The following PLEKHG1 variants were observed in gnomAD, a reference collection of about 807,000 sequenced individuals.
PLEKHG1 encodes the protein pleckstrin homology domain-containing family G member 1.
A neutral mutation model predicts 100.8 loss-of-function variants in PLEKHG1; 44 were observed. The ratio of observed to expected loss-of-function variants is 0.44; its 90% CI spans 0.34 to 0.56. The LOEUF (loss-of-function observed/expected upper bound fraction) is 0.56. Among genes scored for constraint, PLEKHG1 ranks in the 20% least tolerant of loss-of-function variants. PLEKHG1 has a pLI of 0.01. For missense variants in PLEKHG1, 1,545 were observed against 1,720.9 expected (o/e 0.90, Z 1.81); for synonymous variants, 640 against 662.5 (o/e 0.97, Z 0.52).
intron 3 of PLEKHG1, among the ~76,000 whole-genome samples, chr6:150,713,689 A>G (rs1208076082): frequency 2.0e-5 from 3 of 152,050 alleles, no homozygotes; most frequent in Admixed American, 1.3e-4. Context: ...CCTGCAAGCT[A>G]CACTCCCTCC....
intron 3 of PLEKHG1, among the ~76,000 whole-genome samples, chr6:150,707,151 C>T (rs1272333501): frequency 2.0e-5 from 3 of 151,304 alleles, no homozygotes; most frequent in Non-Finnish European, 3.0e-5. Flanking sequence ...ATTACAGGTG[C>T]GCGCCACCAT....
At chr6:150,645,711 T>G (rs2128570977) in intron 2 of PLEKHG1, among the ~76,000 whole-genome samples, 1 of 152,300 alleles carries the variant, frequency 6.6e-6, no homozygotes, top group East Asian at 1.9e-4. Flanking sequence ...CCCATGAGAA[T>G]AGCTATAATT....
At chr6:150,709,785 G>C (rs576467455) in intron 3 of PLEKHG1, among the ~76,000 whole-genome samples, 1 of 151,898 alleles carries the variant, frequency 6.6e-6, no homozygotes, top group Non-Finnish European at 1.5e-5. Context: ...TGGTGTTTTC[G>C]TTTGTTTGTT....
chr6:150,825,659 G>A (rs984354177), intron 14 of PLEKHG1, among the ~76,000 whole-genome samples: 32 of 152,076 alleles, frequency 2.1e-4, no homozygotes, highest in African/African-American at 9.7e-5. Context: ...CTGAGGCTGC[G>A]TATATGTGTG....
At chr6:150,627,733 A>T (rs1471549000) in intron 1 of PLEKHG1, among the ~76,000 whole-genome samples, 1 of 152,244 alleles carries the variant, frequency 6.6e-6, no homozygotes, top group East Asian at 1.9e-4. Context: ...ATATAAATGT[A>T]TCCTGCCTGG....
intron 3 of PLEKHG1, among the ~76,000 whole-genome samples, chr6:150,682,163 G>A (rs1005178343): frequency 6.6e-6 from 1 of 152,100 alleles, no homozygotes; most frequent in African/African-American, 2.4e-5. Flanking sequence ...CTGCATGTCT[G>A]GGCCTTGTGC....
chr6:150,831,449 A>G lies in PLEKHG1; in HGVS notation c.2338A>G (p.Ser780Gly). Residue 780 changes from serine to glycine, a missense_variant, in exon 15 of 16, where the codon AGC becomes GGC. Ser to Gly is a moderately conservative substitution (Grantham distance 56). Coordinates refer to ENST00000358517, the Ensembl canonical transcript of PLEKHG1. The surrounding 1 kb of genome is among the most constrained non-coding windows in gnomAD (Gnocchi z 4.1). ...GGAGGCCGACTTCGTGTGCTGTGAC[A>G]GCCTGAGGCCATTTGTTTCCCAAGA... The G allele has an allele frequency of 6.2e-7, 1 of 1,614,188 alleles. No homozygotes were observed. Among genetic ancestry groups the G allele is most frequent in the Non-Finnish European group, 8.5e-7 (1 of 1,180,052 alleles).
chr6:150,735,206 G>A (rs978680815), intron 2 of PLEKHG1, among the ~76,000 whole-genome samples: 4 of 151,766 alleles, frequency 2.6e-5, no homozygotes, highest in African/African-American at 4.8e-5. Flanking sequence ...GGCTGGTCTC[G>A]AACTCCCGAC....
intron 4 of PLEKHG1, among the ~76,000 whole-genome samples, chr6:150,788,940 C>T (rs1460326461): frequency 6.6e-6 from 1 of 152,166 alleles, no homozygotes; most frequent in Non-Finnish European, 1.5e-5. Context: ...AAATTATCCT[C>T]AAGGAAGTGT....
chr6:150,752,464 C>T (rs1368503480), intron 2 of PLEKHG1, among the ~76,000 whole-genome samples: 2 of 152,184 alleles, frequency 1.3e-5, no homozygotes, highest in East Asian at 3.8e-4. Flanking sequence ...CTCCCCAGCT[C>T]CTGGCAACCT....
Position 150,611,628 on chromosome 6 carries a change from A to C in PLEKHG1, c.-204+11611A>C, listed in dbSNP as rs564225246. Among the ~76,000 whole-genome samples the C allele has an allele frequency of 2.0e-5, 3 of 152,280 alleles. No individual in the cohort carries two copies. The South Asian group carries it at 6.2e-4, about 32-fold the overall frequency. Reference sequence around the variant, plus strand: ...GGAGTTCAAGACCAGCCTGGCCAACATGGTGAAACCCTGTCTGTATTAAAA... The same window carrying C: ...GGAGTTCAAGACCAGCCTGGCCAACCTGGTGAAACCCTGTCTGTATTAAAA... On this transcript the variant is annotated intron_variant, in intron 1 of 3. Coordinates refer to the PLEKHG1 transcript ENST00000367326.
At chr6:150,721,358 ACT>A (rs749934424) in intron 1 of PLEKHG1, among the ~76,000 whole-genome samples, 33 of 151,006 alleles carry the variant, frequency 2.2e-4, no homozygotes, top group Admixed American at 1.1e-3. Flanking sequence ...ATCAAGGAAA[ACT>A]CTCTGTTACA....
intron 4 of PLEKHG1, among the ~76,000 whole-genome samples, chr6:150,787,030 CAAAAAAAA>C (rs555809522): frequency 1.7e-5 from 1 of 58,026 alleles, no homozygotes; most frequent in African/African-American, 5.2e-5. Context: ...GACTCTGTCT[CAAAAAAAA>C]AAAAAAAAAA....
intron 1 of PLEKHG1, among the ~76,000 whole-genome samples, chr6:150,612,057 CCCCT>C (rs1335717712): frequency 1.5e-3 from 162 of 107,180 alleles, no homozygotes; most frequent in African/African-American, 4.9e-3. Context: ...CCCCCCCCCC[CCCCT>C]TTTCTAGTTC....
chr6:150,702,738 G>A (rs1477934981), intron 3 of PLEKHG1, among the ~76,000 whole-genome samples: 1 of 152,052 alleles, frequency 6.6e-6, no homozygotes, highest in Non-Finnish European at 1.5e-5. Context: ...TAATAACCCC[G>A]AAGATAACCA....
At chr6:150,674,478 A>G (rs1779672583) in intron 3 of PLEKHG1, among the ~76,000 whole-genome samples, 1 of 152,176 alleles carries the variant, frequency 6.6e-6, no homozygotes, top group Non-Finnish European at 1.5e-5. Context: ...AAACTCTTCT[A>G]AGAATTATAT....
intron 6 of PLEKHG1, 76 bp from the exon 8 acceptor site, chr6:150,804,534 A>C (rs1349719876): frequency 3.4e-6 from 4 of 1,184,644 alleles, no homozygotes; most frequent in Admixed American, 2.4e-5. Context: ...AACTAATCAT[A>C]GCGGTGCCAT....
At chr6:150,722,384 C>T (rs1188056502) in intron 1 of PLEKHG1, among the ~76,000 whole-genome samples, 6 of 131,576 alleles carry the variant, frequency 4.6e-5, no homozygotes, top group Non-Finnish European at 9.2e-5. Flanking sequence ...GACTGAGTCT[C>T]GCTCTGTCAC....
chr6:150,618,101 A>G (rs767515130), intron 1 of PLEKHG1, among the ~76,000 whole-genome samples: 7 of 152,246 alleles, frequency 4.6e-5, no homozygotes, highest in Non-Finnish European at 7.3e-5. Context: ...ATTGATTCTC[A>G]TAGAAGCTCT....
Sources: gnomAD v4.1 joint callset for allele counts (sites outside exome capture counted in the v4.1 genomes callset) on GRCh38, gnomAD v4.1.1 for gene constraint, Gnocchi (gnomAD v3.1) non-coding constraint, MANE v1.5 for transcripts, NCBI Gene and HGNC (gene_info 2026-07-23, HGNC 2026-07-21) for gene names.